Variants in ITGA2B observed in about 807,000 individuals in gnomAD.
The protein encoded by ITGA2B is integrin alpha-IIb.
In ITGA2B, 91 loss-of-function variants were observed where a neutral mutation model predicts 142.0. The observed-to-expected ratio is 0.64, with a 90% CI of 0.54 to 0.76. ITGA2B has a LOEUF of 0.76. Ranked by LOEUF, ITGA2B falls within the 30% of genes least tolerant of loss-of-function variation. The pLI, the probability that ITGA2B is intolerant of heterozygous loss-of-function variation, is 0.00. For missense variants in ITGA2B, 1,231 were observed against 1,350.8 expected (o/e 0.91, Z 1.39); for synonymous variants, 536 against 567.2 (o/e 0.94, Z 0.78).
intron 25 of ITGA2B, 37 bp from the exon 26 acceptor site, chr17:44,375,753 C>T (rs753984058): frequency 6.4e-7 from 1 of 1,558,284 alleles, no homozygotes; most frequent in Non-Finnish European, 8.7e-7. Flanking sequence ...CCAGGTCTCC[C>T]CCGAACCCCA....
At position 44,384,316 on chromosome 17, in the gene ITGA2B, C is replaced by T. The variant is rs753264426; in HGVS notation, c.886G>A (p.Gly296Arg). 1.2e-6 allele frequency: 2 copies of T among 1,613,346 alleles called. No homozygotes were observed. Among genetic ancestry groups the T allele is most frequent in the East Asian group, 2.2e-5 (1 of 44,858 alleles). The change falls in exon 9 of 30, where the codon GGA becomes AGA. Residue 296 changes from glycine (G) to arginine (R), a missense_variant. This residue lies in a region of ITGA2B where 908 missense variants were observed against 1,021.1 expected (regional missense o/e 0.89). Coordinates refer to ENST00000262407, the MANE Select transcript of ITGA2B (RefSeq NM_000419.5). The stretch of plus-strand genomic sequence containing the variant: ...CCAGTGGTGGGGGCACTTACCGCTC[C>T]CAGGGTCCAGCTCCAAGTGGGGGCA... ...VGAPTWSWTL[G>R]AVEILDSYYQ...
chr17:44,375,161 T>A, intron 26 of ITGA2B, 50 bp from the exon 27 acceptor site: 1 of 1,464,854 alleles, frequency 6.8e-7, no homozygotes, highest in African/African-American at 1.4e-5. Context: ...CATCACCCCA[T>A]CATCCCCCAC....
In ITGA2B at chr17:44,374,672, CGGGGCAGGCTGAGCG is replaced by C. The variant is rs2048523512; in HGVS notation, c.2915_2929del (p.Pro972_Pro976del). On this transcript the variant is annotated inframe_deletion, in exon 28 of 30. Coordinates refer to ENST00000262407, the MANE Select transcript of ITGA2B (RefSeq NM_000419.5). ...CCCCACACTCACCTGAGCTTCCCCTCGGGGCAGGCTGAGCGGGGGCACCGCATAGGGGAGGGAGGA... is the reference window on the plus strand; with the variant it reads ...CCCCACACTCACCTGAGCTTCCCCTCGGGGCACCGCATAGGGGAGGGAGGA... 1 of 1,613,790 alleles carries C rather than the reference CGGGGCAGGCTGAGCG, an allele frequency of 6.2e-7. No homozygotes were observed. Among genetic ancestry groups the C allele is most frequent in the South Asian group, 1.1e-5 (1 of 91,076 alleles).
At position 44,380,985 on chromosome 17, in the gene ITGA2B, C is replaced by T. The variant is rs753807977; in HGVS notation, c.1287G>A (p.Gly429=). 1.2e-6 allele frequency: 2 copies of T among 1,613,414 alleles called. No homozygotes were observed. The highest frequency in any genetic ancestry group is 4.5e-5 in the East Asian group (2 of 44,872). Residue 429 remains glycine, a synonymous_variant, in exon 13 of 30, where the codon GGG becomes GGA. Transcript: ENST00000262407. ...GGACCTGGGAGGGACGTGACCTCAG[C>T]CCCTCACTCTGACCCAGGAACACCA... The part of the protein sequence containing the change: ...QVLVFLGQSE[G]LRSRPSQVLD...
At chr17:44,385,952 A>AATTC in intron 2 of ITGA2B, 31 bp from the exon 3 acceptor site, 1 of 1,614,088 alleles carries the variant, frequency 6.2e-7, no homozygotes, top group East Asian at 2.2e-5. Flanking sequence ...TGGGGCGCTG[A>AATTC]AGCCCGGCAG....
At chr17:44,385,754 C>T in intron 3 of ITGA2B, 38 bp from the exon 4 acceptor site, 1 of 1,613,302 alleles carries the variant, frequency 6.2e-7, no homozygotes, top group Non-Finnish European at 8.5e-7. Context: ...GGGCGCGAGA[C>T]TTGGGCTCCT....
rs750489551 is a variant in ITGA2B at position 44,380,805 on chromosome 17, G to A, written c.1393+74C>T. ...CCAGGCCAGGCATGAGCCCCTGGCCGTGTCTCTTGGCACTTCCAGCGAATG... is the reference window on the plus strand; with the variant it reads ...CCAGGCCAGGCATGAGCCCCTGGCCATGTCTCTTGGCACTTCCAGCGAATG... On this transcript the variant is annotated intron_variant, in intron 13 of 29. Transcript: ENST00000262407. 8.6e-5 allele frequency: 138 copies of A among 1,596,460 alleles called. 4 individuals are homozygous for A. In the South Asian group the frequency reaches 1.2e-3, roughly 14 times the overall value.
In ITGA2B at chr17:44,375,061, C is replaced by T. The variant is rs1355399349; in HGVS notation, c.2778G>A (p.Met926Ile). The T allele has an allele frequency of 3.2e-6, 5 of 1,548,178 alleles. No homozygotes were observed. Among genetic ancestry groups the T allele is most frequent in the South Asian group, 1.2e-5 (1 of 84,044 alleles). Residue 926 changes from methionine (M) to isoleucine (I), a missense_variant, in exon 27 of 30, where the codon ATG becomes ATA. Transcript: ENST00000262407. ...CTVVQCDLQE[M>I]ARGQRAMVTV... Reference sequence around the variant, plus strand: ...TGACCATGGCCCGCTGCCCGCGCGCCATCTCCTGCAGGTCACACTGCACCA... The same window carrying T: ...TGACCATGGCCCGCTGCCCGCGCGCTATCTCCTGCAGGTCACACTGCACCA...
intron 1 of ITGA2B, among the ~76,000 whole-genome samples, chr17:44,386,490 C>T (rs986282331): frequency 2.0e-5 from 3 of 152,156 alleles, no homozygotes; most frequent in Non-Finnish European, 2.9e-5. Flanking sequence ...TCACATGCTC[C>T]CTGGAATGCC....
chr17:44,381,112 G>A, intron 12 of ITGA2B, 51 bp from the exon 13 acceptor site: 1 of 1,571,830 alleles, frequency 6.4e-7, no homozygotes. Context: ...AGCCTCCCTA[G>A]ATGACTGTAA....
At position 44,372,230 on chromosome 17, in the gene ITGA2B, C is replaced by G. The variant is rs1275577071; in HGVS notation, c.*134G>C. On this transcript the variant is annotated 3_prime_UTR_variant, in exon 30 of 30. Transcript: ENST00000262407. ...CAGCAGGAGGGGGGGTAGCCCAGCT[C>G]TGTTGGGAGGGAAACGACACCAAGA... The G allele has an allele frequency of 3.5e-6, 3 of 846,680 alleles. No individual in the cohort carries two copies. In the African/African-American group the frequency reaches 5.0e-5, roughly 14 times the overall value. 52.4% of individuals were successfully genotyped at this position (846,680 alleles called of 1,614,324 possible). A position where few individuals can be genotyped will look rare whatever the true frequency, so the allele number is the denominator to read the frequency against.
chr17:44,377,202 T>C, intron 21 of ITGA2B, 114 bp from the exon 22 acceptor site: 1 of 837,956 alleles, frequency 1.2e-6, no homozygotes, highest in Non-Finnish European at 1.9e-6. Flanking sequence ...CTTTTTCTTT[T>C]TTTTTTTTTC....
chr17:44,378,211 G>T, intron 20 of ITGA2B, 151 bp downstream of exon 20: 1 of 1,083,746 alleles, frequency 9.2e-7, no homozygotes, highest in Non-Finnish European at 1.3e-6. Flanking sequence ...CCATTAGCAA[G>T]TATTCCTCCT....
At chr17:44,384,888 T>C in intron 7 of ITGA2B, 60 bp downstream of exon 7, 1 of 1,611,454 alleles carries the variant, frequency 6.2e-7, no homozygotes, top group South Asian at 1.1e-5. Flanking sequence ...GGGCAGGACC[T>C]GACCGTCTGC....
In ITGA2B at chr17:44,376,317, T is replaced by G; in HGVS notation, c.2339A>C (p.Glu780Ala). The change falls in exon 23 of 30, where the codon GAG becomes GCG. Residue 780 changes from glutamate (E) to alanine (A), a missense_variant. Around this residue, in one of 3 missense-constraint regions of ITGA2B, gnomAD observed 908 missense variants for 1,021.1 expected, o/e 0.89. Coordinates refer to ENST00000262407, the MANE Select transcript of ITGA2B (RefSeq NM_000419.5). ...DVPVRAEAQV[E>A]LRGNSFPASL... ...ACCCCTGGCCTCTCACCCTCGCAGC[T>G]CCACTTGGGCCTCTGCCCGGACCGG... The G allele has an allele frequency of 6.2e-7, 1 of 1,614,142 alleles. No individual in the cohort carries two copies. The highest frequency in any genetic ancestry group is 8.5e-7 in the Non-Finnish European group (1 of 1,180,024).
At chr17:44,379,332 C>T (rs2048573552) in intron 18 of ITGA2B, among the ~76,000 whole-genome samples, 2 of 150,770 alleles carry the variant, frequency 1.3e-5, no homozygotes, top group Non-Finnish European at 2.9e-5. Context: ...CTCACTGCAA[C>T]CTCTGCCTCC....
At chr17:44,376,956 C>T (rs978766125) in intron 22 of ITGA2B, 53 bp downstream of exon 22, 39 of 1,446,388 alleles carry the variant, frequency 2.7e-5, no homozygotes, top group Middle Eastern at 4.2e-4. Context: ...GGGCTCTGCA[C>T]GGGGGTCAGA....
rs1332077743 is a variant in ITGA2B at position 44,385,081 on chromosome 17, G to C, written c.671-5C>G. The C allele has an allele frequency of 2.5e-6, 4 of 1,614,058 alleles. No individual in the cohort carries two copies. The African/African-American group carries it at 5.3e-5, about 22-fold the overall frequency. On this transcript the variant is annotated splice_region_variant and splice_polypyrimidine_tract_variant and intron_variant, in intron 6 of 29. Transcript: ENST00000262407. Reference sequence around the variant, plus strand: ...CTGGAGCCTGGGCCAGGAGACCTAGGGCGGGAGGGACAGCGGGTGTGAAGC... The same window carrying C: ...CTGGAGCCTGGGCCAGGAGACCTAGCGCGGGAGGGACAGCGGGTGTGAAGC...
At chr17:44,384,391 C>A in intron 8 of ITGA2B, 37 bp from the exon 9 acceptor site, 2 of 1,613,098 alleles carry the variant, frequency 1.2e-6, no homozygotes, top group Non-Finnish European at 1.7e-6. Flanking sequence ...GGAATGAGAG[C>A]CTTAGAACCT....
Sources: allele counts gnomAD v4.1 joint callset (sites outside exome capture counted in the v4.1 genomes callset), GRCh38; gene constraint gnomAD v4.1.1; regional missense constraint gnomAD v4.1.1; transcripts MANE v1.5; gene names NCBI Gene and HGNC (gene_info 2026-07-23, HGNC 2026-07-21).